Variants in NDE1 observed in about 807,000 individuals in gnomAD.
NDE1 encodes nuclear distribution protein nudE homolog 1.
In NDE1, 28 loss-of-function variants were observed where a neutral mutation model predicts 43.4. That is an observed-to-expected ratio of 0.65 (90% CI 0.48 to 0.89). NDE1 has a LOEUF of 0.89. Ranked by LOEUF, NDE1 falls within the 40% of genes least tolerant of loss-of-function variation. The pLI, the probability that NDE1 is intolerant of heterozygous loss-of-function variation, is 0.00. For synonymous variants in NDE1, 184 were observed against 172.0 expected, an observed-to-expected ratio of 1.07 and a Z score of -0.55; for missense variants, 441 against 434.1, an observed-to-expected ratio of 1.02 and a Z score of -0.14.
In NDE1 at chr16:15,724,816, A is replaced by G. The variant is rs1046419623; in HGVS notation, c.*565A>G. On this transcript the variant is annotated 3_prime_UTR_variant, in exon 9 of 9. Transcript: ENST00000396354. ...AAGCAGCTCCTGCAAAAGGGATGCA[A>G]AGAGGTCCCAGGGACCTGCCCCGAG... 9 of 1,613,662 alleles carry G rather than the reference A, an allele frequency of 5.6e-6. No individual in the cohort carries two copies. Among genetic ancestry groups the G allele is most frequent in the South Asian group, 5.5e-5 (5 of 91,086 alleles).
intron 1 of NDE1, among the ~76,000 whole-genome samples, chr16:15,658,403 G>C (rs1165775497): frequency 6.6e-6 from 1 of 152,184 alleles, no homozygotes; most frequent in Admixed American, 6.5e-5. Context: ...TTGGCTCTGC[G>C]TGAATTAGGC....
At chr16:15,653,892 T>C (rs1288291653) in intron 1 of NDE1, among the ~76,000 whole-genome samples, 1 of 151,980 alleles carries the variant, frequency 6.6e-6, no homozygotes, top group Non-Finnish European at 1.5e-5. Flanking sequence ...CACACCTGGC[T>C]AATTTTTTTG....
At chr16:15,706,446 C>A (rs1195555074) in intron 8 of NDE1, among the ~76,000 whole-genome samples, 2 of 152,188 alleles carry the variant, frequency 1.3e-5, no homozygotes, top group Non-Finnish European at 2.9e-5. Flanking sequence ...CGACTCATGC[C>A]TGTAATCCCA....
chr16:15,704,218 C>T lies in NDE1; in HGVS notation c.947+7358C>T. Reference sequence around the variant, plus strand: ...CTATTTTAAACTTGTAGCTATAGTCCTATTGCAATATAAATTTTTTTTATG... The same window carrying T: ...CTATTTTAAACTTGTAGCTATAGTCTTATTGCAATATAAATTTTTTTTATG... On this transcript the variant is annotated intron_variant, in intron 8 of 8. Coordinates refer to ENST00000396354, the MANE Select transcript of NDE1 (RefSeq NM_017668.3). 2.1e-6 allele frequency: 3 copies of T among 1,456,160 alleles called. No homozygotes were observed. The Admixed American group carries it at 6.0e-5, about 29-fold the overall frequency. 90.2% of individuals were successfully genotyped at this position (1,456,160 alleles called of 1,614,324 possible).
chr16:15,704,333 T>G (rs2039337754), intron 8 of NDE1, among the ~76,000 whole-genome samples: 2 of 152,164 alleles, frequency 1.3e-5, no homozygotes, highest in East Asian at 3.8e-4. Flanking sequence ...GTGATTGAAT[T>G]TAATCAGCTG....
chr16:15,698,483 G>A (rs2039107645), intron 8 of NDE1, among the ~76,000 whole-genome samples: 6 of 152,178 alleles, frequency 3.9e-5, no homozygotes, highest in Admixed American at 2.0e-4. Flanking sequence ...GTAGGAATTT[G>A]ATGGGTTTGT....
chr16:15,705,138 C>T (rs968367201), intron 8 of NDE1, among the ~76,000 whole-genome samples: 6 of 152,048 alleles, frequency 3.9e-5, no homozygotes, highest in South Asian at 2.1e-4. Context: ...CACACTGCCA[C>T]GCCTGGCTAA....
intron 1 of NDE1, among the ~76,000 whole-genome samples, chr16:15,658,366 A>C (rs1225412072): frequency 6.6e-6 from 1 of 152,204 alleles, no homozygotes; most frequent in African/African-American, 2.4e-5. Context: ...TCACTGGCTG[A>C]GCATGGGGGT....
chr16:15,680,535 G>C (rs1206276747), intron 4 of NDE1, among the ~76,000 whole-genome samples: 1 of 152,042 alleles, frequency 6.6e-6, no homozygotes, highest in African/African-American at 2.4e-5. Context: ...GGAGTTCTTT[G>C]CATATATATA....
intron 5 of NDE1, 121 bp from the exon 6 acceptor site, chr16:15,691,023 G>A (rs1171735607): frequency 1.7e-6 from 2 of 1,150,628 alleles, no homozygotes; most frequent in Non-Finnish European, 2.6e-6. Context: ...GGTCAGGCTG[G>A]TCTCGAACTC....
At chr16:15,707,746 C>T (rs376962387) in intron 8 of NDE1, among the ~76,000 whole-genome samples, 3 of 152,056 alleles carry the variant, frequency 2.0e-5, no homozygotes, top group African/African-American at 4.8e-5. Flanking sequence ...CCAAGGCGCG[C>T]GGATCACCTG....
intron 2 of NDE1, 35 bp from the exon 3 acceptor site, chr16:15,667,251 A>G (rs2037352102): frequency 1.1e-5 from 17 of 1,613,036 alleles, no homozygotes; most frequent in Non-Finnish European, 1.4e-5. Flanking sequence ...GTCTTCAAAA[A>G]TATTACTACG....
At chr16:15,672,868 C>G (rs1310763737) in intron 3 of NDE1, 1 of 152,230 alleles carries the variant, frequency 6.6e-6, no homozygotes, top group Admixed American at 6.5e-5. Context: ...TGGTCTGCCT[C>G]TACTTGCTGG....
upstream of NDE1, among the ~76,000 whole-genome samples, chr16:15,648,881 G>A (rs1435281253): frequency 1.3e-5 from 2 of 151,964 alleles, no homozygotes; most frequent in East Asian, 3.9e-4. Context: ...ATTGTGCCTG[G>A]CACACACAGC....
At chr16:15,657,162 A>T (rs568519225) in intron 1 of NDE1, among the ~76,000 whole-genome samples, 1 of 150,852 alleles carries the variant, frequency 6.6e-6, no homozygotes, top group Non-Finnish European at 1.5e-5. Context: ...CAATGGCGTG[A>T]TCTTGGCTCA....
chr16:15,711,229 G>C (rs2039775193), intron 8 of NDE1: 1 of 152,216 alleles, frequency 6.6e-6, no homozygotes, highest in South Asian at 2.1e-4. Flanking sequence ...CCAAACTCTA[G>C]AGGTGATTTC....
Position 15,706,408 on chromosome 16 carries a change from C to A in NDE1, c.947+9548C>A, listed in dbSNP as rs537292283. ...TTCGTCACAGTTTTAACTCCAGGTT[C>A]AAACCCTGATGGGTTGGCCAGTTGC... On this transcript the variant is annotated intron_variant, in intron 8 of 8. Transcript: ENST00000396354. 9.0e-3 allele frequency among the ~76,000 whole-genome samples: 1,370 copies of A among 152,310 alleles called. 69 individuals are homozygous for A. The highest frequency in any genetic ancestry group is 0.081 in the Admixed American group (1,235 of 15,282).
chr16:15,721,699 T>A, intron 8 of NDE1: 2 of 1,553,348 alleles, frequency 1.3e-6, no homozygotes, highest in Non-Finnish European at 1.8e-6. Flanking sequence ...GAATTGTAAA[T>A]ACCGGGGGAA....
intron 1 of NDE1, among the ~76,000 whole-genome samples, chr16:15,657,748 G>A (rs1011190491): frequency 2.6e-5 from 4 of 151,868 alleles, no homozygotes; most frequent in Admixed American, 6.6e-5. Flanking sequence ...GGCACGCACC[G>A]CCGTGCCCGT....
Sources: gnomAD v4.1 joint callset for allele counts (sites outside exome capture counted in the v4.1 genomes callset) on GRCh38, gnomAD v4.1.1 for gene constraint, MANE v1.5 for transcripts, NCBI Gene and HGNC (gene_info 2026-07-23, HGNC 2026-07-21) for gene names.